GREB1: variants seen among roughly 807,000 people sequenced by gnomAD.
The protein encoded by GREB1 is protein GREB1.
GREB1 carries 106 observed loss-of-function variants against 200.7 expected under a neutral mutation model. The observed-to-expected ratio is 0.53, with a 90% CI of 0.45 to 0.62. GREB1 has a LOEUF of 0.62. GREB1 is among the 20% of genes least tolerant of loss of function. The pLI, the probability that GREB1 is intolerant of heterozygous loss-of-function variation, is 0.00. For synonymous variants in GREB1, 1,132 were observed against 1,092.4 expected, an observed-to-expected ratio of 1.04 and a Z score of -0.72; for missense variants, 2,243 against 2,556.8, an observed-to-expected ratio of 0.88 and a Z score of 2.65.
intron 1 of GREB1, among the ~76,000 whole-genome samples, chr2:11,551,460 T>G (rs1174009379): frequency 6.6e-6 from 1 of 152,250 alleles, no homozygotes; most frequent in South Asian, 2.1e-4. Flanking sequence ...TTATCTTTAC[T>G]ATCATCGGTC....
chr2:11,591,904 A>G (rs1680766790), intron 10 of GREB1: 4 of 525,124 alleles, frequency 7.6e-6, no homozygotes, highest in Non-Finnish European at 9.8e-6. Flanking sequence ...GGTCATGGTT[A>G]AGGAAAGAAT....
chr2:11,589,008 G>T (rs192751866), intron 10 of GREB1, 77 bp downstream of exon 10: 75 of 1,168,170 alleles, frequency 6.4e-5, no homozygotes, highest in African/African-American at 5.9e-4. Context: ...CGGCCCTCGT[G>T]GGGGCTGACT....
In GREB1 at chr2:11,626,662, G is replaced by T. The variant is rs569351861; in HGVS notation, c.4307-300G>T. On this transcript the variant is annotated intron_variant, in intron 24 of 32. Transcript: ENST00000381486. ...GAGCTGGCATGTTAAGTTGGCAATC[G>T]ATTTAAATTGTTGTATAGCGGATCT... is the stretch of plus-strand genomic sequence containing the variant. 1.1e-3 allele frequency among the ~76,000 whole-genome samples: 169 copies of T among 152,166 alleles called. 2 individuals are homozygous for T. Among genetic ancestry groups the T allele is most frequent in the Non-Finnish European group, 1.0e-4 (7 of 68,036 alleles).
intron 11 of GREB1, 137 bp from the exon 12 acceptor site, chr2:11,595,114 G>A: frequency 1.4e-6 from 1 of 698,574 alleles, no homozygotes; most frequent in Non-Finnish European, 2.4e-6. Context: ...GCAGGCCTGG[G>A]AGGTAGATCC....
At chr2:11,561,366 T>TTC (rs1677015505) in intron 2 of GREB1, 3 of 150,646 alleles carry the variant, frequency 2.0e-5, no homozygotes, top group African/African-American at 7.4e-5. Flanking sequence ...GGGATATTTT[T>TTC]TTTTTTTTTT....
chr2:11,607,533 TATATATAC>T (rs1328081051), intron 17 of GREB1, among the ~76,000 whole-genome samples: 11 of 42,038 alleles, frequency 2.6e-4, no homozygotes, highest in Non-Finnish European at 5.2e-4. Context: ...TATATACACA[TATATATAC>T]ATATATGTAC....
chr2:11,494,302 C>T (rs1206090286), intron 1 of GREB1, among the ~76,000 whole-genome samples: 2 of 152,270 alleles, frequency 1.3e-5, no homozygotes, highest in African/African-American at 4.8e-5. Flanking sequence ...AGTTATCAGA[C>T]ACCCTCTGGA....
rs564239493 is a variant in GREB1 at position 11,641,042 on chromosome 2, A to T, written c.*588A>T. ...AGTTAAACAAATTGATTTACTTCAG[A>T]GCAAATATGATCCTATTAAAATAAT... On this transcript the variant is annotated 3_prime_UTR_variant, in exon 33 of 33. Coordinates refer to ENST00000381486, the MANE Select transcript of GREB1 (RefSeq NM_014668.4). The T allele has an allele frequency of 6.6e-6, 1 of 152,488 alleles. No homozygotes were observed. Among genetic ancestry groups the T allele is most frequent in the East Asian group, 1.9e-4 (1 of 5,186 alleles). 9.4% of individuals were successfully genotyped at this position (152,488 alleles called of 1,614,324 possible). A position where few individuals can be genotyped will look rare whatever the true frequency, so the allele number is the denominator to read the frequency against.
rs7575988 is a variant in GREB1, at chr2:11,575,650, G to A, written c.455-703G>A. On this transcript the variant is annotated intron_variant, in intron 4 of 32. Transcript: ENST00000381486. ...CTCACCAGCATGCTGGCCAGATATT[G>A]TGAAGCGCTCCTGATTTCTTTTCAG... 2.6e-3 allele frequency among the ~76,000 whole-genome samples: 403 copies of A among 152,352 alleles called. 3 individuals carry two copies. Among genetic ancestry groups the A allele is most frequent in the African/African-American group, 8.9e-3 (372 of 41,582 alleles).
At chr2:11,538,995 TCCTCCTTTCTCCCTTCTCCTCC>T (rs1674514614) in intron 1 of GREB1, among the ~76,000 whole-genome samples, 1 of 114,914 alleles carries the variant, frequency 8.7e-6, no homozygotes, top group African/African-American at 3.0e-5. Flanking sequence ...TCCTCTCTTC[TCCTCCTTTCTCCCTTCTCCTCC>T]CTTCTCTTCT....
chr2:11,523,180 A>G (rs923659484), intron 1 of GREB1, among the ~76,000 whole-genome samples: 1 of 152,160 alleles, frequency 6.6e-6, no homozygotes, highest in East Asian at 1.9e-4. Context: ...CTAAATGATG[A>G]GAACCAATGG....
chr2:11,592,427 C>T (rs1680821761), intron 10 of GREB1, among the ~76,000 whole-genome samples: 1 of 150,388 alleles, frequency 6.6e-6, no homozygotes, highest in African/African-American at 2.4e-5. Context: ...TGAGGAATCA[C>T]GTTTAACTGT....
Position 11,592,899 on chromosome 2 carries a change from C to G in GREB1, c.1469C>G (p.Pro490Arg), listed in dbSNP as rs1304232141. The stretch of plus-strand genomic sequence containing the variant: ...CCGCCGCAGCCCTTCCCGCCCGCGC[C>G]CAGCGCCGCGGCACCCGTGACCTCC... ...QAPPQPFPPA[P>R]SAAAPVTSAQ... Residue 490 changes from proline to arginine, a missense_variant, in exon 11 of 33, where the codon CCC becomes CGC. Coordinates refer to ENST00000381486, the MANE Select transcript of GREB1 (RefSeq NM_014668.4). 6.3e-6 allele frequency: 10 copies of G among 1,594,028 alleles called. No homozygotes were observed. The highest frequency in any genetic ancestry group is 4.0e-5 in the African/African-American group (3 of 74,244).
At chr2:11,516,968 G>C (rs1418845794) in intron 1 of GREB1, among the ~76,000 whole-genome samples, 1 of 152,240 alleles carries the variant, frequency 6.6e-6, no homozygotes, top group African/African-American at 2.4e-5. Context: ...TCCAGGAGCA[G>C]AGCAGGGGAT....
intron 11 of GREB1, among the ~76,000 whole-genome samples, chr2:11,593,469 T>G (rs1419553408): frequency 6.6e-6 from 1 of 152,212 alleles, no homozygotes; most frequent in Non-Finnish European, 1.5e-5. Context: ...AATGCCCTTG[T>G]TGTGTTGTCT....
intron 26 of GREB1, 127 bp downstream of exon 26, chr2:11,630,236 C>A: frequency 2.4e-6 from 2 of 850,716 alleles, no homozygotes; most frequent in Non-Finnish European, 1.8e-6. Flanking sequence ...TTGGAGGAGG[C>A]TGGTGTCGCG....
At chr2:11,535,566 A>G (rs1674254257) in intron 1 of GREB1, among the ~76,000 whole-genome samples, 1 of 152,070 alleles carries the variant, frequency 6.6e-6, no homozygotes, top group Non-Finnish European at 1.5e-5. Context: ...TGCCTGGCAC[A>G]CAGGATGACA....
chr2:11,591,216 A>G (rs2148172991), intron 10 of GREB1, among the ~76,000 whole-genome samples: 1 of 152,360 alleles, frequency 6.6e-6, no homozygotes, highest in Middle Eastern at 3.4e-3. Flanking sequence ...GCATCCAATC[A>G]AAGAGGGAGA....
intron 23 of GREB1, among the ~76,000 whole-genome samples, chr2:11,624,048 T>G (rs1265676280): frequency 1.3e-5 from 2 of 152,190 alleles, no homozygotes; most frequent in African/African-American, 4.8e-5. Context: ...GTCAAAGAGT[T>G]TAAAAGGTTA....
Sources: gnomAD v4.1 joint callset for allele counts (sites outside exome capture counted in the v4.1 genomes callset) on GRCh38, gnomAD v4.1.1 for gene constraint, MANE v1.5 for transcripts, NCBI Gene and HGNC (gene_info 2026-07-23, HGNC 2026-07-21) for gene names.